The following DENND1A variants were observed in gnomAD, a reference collection of about 807,000 sequenced individuals.
DENND1A encodes DENN domain containing 1A, also known as DENN domain-containing protein 1A.
DENND1A carries 51 observed loss-of-function variants against 113.7 expected under a neutral mutation model. That is an observed-to-expected ratio of 0.45 (90% CI 0.36 to 0.57). DENND1A has a LOEUF of 0.57. Ranked by LOEUF, DENND1A falls within the 20% of genes least tolerant of loss-of-function variation. The pLI, the probability that DENND1A is intolerant of heterozygous loss-of-function variation, is 0.00. For synonymous variants in DENND1A, 565 were observed against 570.8 expected, an observed-to-expected ratio of 0.99 and a Z score of 0.14; for missense variants, 1,258 against 1,395.9, an observed-to-expected ratio of 0.90 and a Z score of 1.57.
chr9:123,445,273 CT>C (rs2047216640), intron 18 of DENND1A, among the ~76,000 whole-genome samples: 1 of 152,116 alleles, frequency 6.6e-6, no homozygotes, highest in Admixed American at 6.5e-5. Flanking sequence ...GAGGAAAGGA[CT>C]TATGACCCAG....
chr9:123,736,831 T>A (rs1168847818), intron 5 of DENND1A, among the ~76,000 whole-genome samples: 1 of 152,198 alleles, frequency 6.6e-6, no homozygotes, highest in Non-Finnish European at 1.5e-5. Context: ...TAGATACAGG[T>A]CAGACGTCTT....
intron 11 of DENND1A, among the ~76,000 whole-genome samples, chr9:123,607,348 A>T (rs1294224924): frequency 6.6e-6 from 1 of 150,526 alleles, no homozygotes; most frequent in Non-Finnish European, 1.5e-5. Flanking sequence ...TTTAGAGAGG[A>T]TGAGGAAGAA....
At chr9:123,462,488 G>A (rs1382684848) in intron 13 of DENND1A, among the ~76,000 whole-genome samples, 1 of 152,148 alleles carries the variant, frequency 6.6e-6, no homozygotes, top group Non-Finnish European at 1.5e-5. Context: ...CCCTGGACAG[G>A]AGAGTTCTCT....
rs559335800 is a variant in DENND1A at position 123,758,710 on chromosome 9, C to CA, written c.183-889dup. ...GAAAAAAGCTAAAAATATATCAATA[C>CA]AAAAATTTAAAAACCACACATAAAC... On this transcript the variant is annotated intron_variant, in intron 4 of 23. Coordinates refer to ENST00000394215, the MANE Select transcript of DENND1A (RefSeq NM_001352964.2). Among the ~76,000 whole-genome samples, 57 of 152,200 alleles carry CA rather than the reference C, an allele frequency of 3.7e-4. No homozygotes were observed. In the East Asian group the frequency reaches 9.8e-3, roughly 26 times the overall value.
At chr9:123,833,034 A>G (rs1051275004) in intron 2 of DENND1A, among the ~76,000 whole-genome samples, 3 of 135,016 alleles carry the variant, frequency 2.2e-5, no homozygotes, top group African/African-American at 8.4e-5. Context: ...CTGAAGTAGG[A>G]GGGTCCTCTG....
chr9:123,799,869 A>G (rs951380385), intron 2 of DENND1A, among the ~76,000 whole-genome samples: 8 of 152,222 alleles, frequency 5.3e-5, no homozygotes, highest in Admixed American at 4.6e-4. Context: ...TAAAGATCAC[A>G]CTGACATGTC....
intron 12 of DENND1A, among the ~76,000 whole-genome samples, chr9:123,567,533 C>A (rs1229147494): frequency 6.6e-6 from 1 of 152,066 alleles, no homozygotes; most frequent in East Asian, 1.9e-4. Context: ...ACATTAATGC[C>A]TTTTCTAATG....
chr9:123,495,903 G>A (rs180826389), intron 13 of DENND1A, among the ~76,000 whole-genome samples: 8 of 152,322 alleles, frequency 5.3e-5, no homozygotes, highest in African/African-American at 1.9e-4. Flanking sequence ...GAGAGGACCC[G>A]ACAGCAGCTT....
chr9:123,412,215 G>A (rs115175450), intron 19 of DENND1A, among the ~76,000 whole-genome samples: 4,603 of 152,218 alleles, frequency 0.03, 169 homozygotes, highest in African/African-American at 0.076. Context: ...CCCCAAGACC[G>A]GGACTCCACT....
intron 2 of DENND1A, among the ~76,000 whole-genome samples, chr9:123,853,805 G>A (rs769811748): frequency 9.2e-5 from 14 of 152,246 alleles, no homozygotes; most frequent in Admixed American, 4.6e-4. Flanking sequence ...TAGCACTCCA[G>A]GGCAATACTT....
intron 23 of DENND1A, 118 bp from the exon 24 acceptor site, chr9:123,382,743 A>G: frequency 3.6e-6 from 4 of 1,110,954 alleles, no homozygotes; most frequent in Non-Finnish European, 5.2e-6. Context: ...GTGGCTGATC[A>G]GCTCCTCGGA....
At chr9:123,822,678 T>G (rs1838673710) in intron 2 of DENND1A, among the ~76,000 whole-genome samples, 1 of 152,254 alleles carries the variant, frequency 6.6e-6, no homozygotes, top group African/African-American at 2.4e-5. Flanking sequence ...ATTGCCCACA[T>G]TAAGATACAT....
chr9:123,551,986 A>G (rs924531166), intron 13 of DENND1A, among the ~76,000 whole-genome samples: 1 of 147,948 alleles, frequency 6.8e-6, no homozygotes, highest in African/African-American at 2.5e-5. Flanking sequence ...GGAAAGAGAG[A>G]GAGAGCGAGA....
intron 12 of DENND1A, among the ~76,000 whole-genome samples, chr9:123,565,349 C>T (rs1278138002): frequency 6.6e-6 from 1 of 152,208 alleles, no homozygotes; most frequent in African/African-American, 2.4e-5. Context: ...CCATGTCCAC[C>T]CTCAGTGCTG....
At position 123,795,825 on chromosome 9, in the gene DENND1A, C is replaced by T. The variant is rs35717307; in HGVS notation, c.89-3195G>A. On this transcript the variant is annotated intron_variant, in intron 2 of 23. Coordinates refer to ENST00000394215, the MANE Select transcript of DENND1A (RefSeq NM_001352964.2). Reference sequence around the variant, plus strand: ...GTGTTATCAAACAGCTAACTTTCAACACAAAAATCTGCAGGGAAGAGTACT... The same window carrying T: ...GTGTTATCAAACAGCTAACTTTCAATACAAAAATCTGCAGGGAAGAGTACT... 5.0e-3 allele frequency among the ~76,000 whole-genome samples: 766 copies of T among 152,296 alleles called. 1 individual carries two copies. Among genetic ancestry groups the T allele is most frequent in the Non-Finnish European group, 8.2e-3 (557 of 68,018 alleles).
chr9:123,383,494 C>T (rs768860727), intron 23 of DENND1A, among the ~76,000 whole-genome samples, 161 bp downstream of exon 23: 2 of 152,172 alleles, frequency 1.3e-5, no homozygotes, highest in African/African-American at 4.8e-5. Flanking sequence ...GGCCCCGGCA[C>T]CCTGGGAGGT....
intron 1 of DENND1A, among the ~76,000 whole-genome samples, chr9:123,919,790 G>A (rs750353134): frequency 1.6e-4 from 24 of 150,342 alleles, no homozygotes; most frequent in Non-Finnish European, 2.1e-4. Flanking sequence ...GCTGAGGCAC[G>A]AGAATCACTT....
Position 123,463,908 on chromosome 9 carries a change from C to CAAAA in DENND1A, c.994-6015_994-6012dup, listed in dbSNP as rs373633673. Among the ~76,000 whole-genome samples the CAAAA allele has an allele frequency of 1.1e-3, 130 of 123,030 alleles. 2 individuals carry two copies. The highest frequency in any genetic ancestry group is 1.7e-3 in the South Asian group (6 of 3,530). The allele number at this position is 123,030 out of a possible 152,430, so 80.7% of individuals were successfully genotyped here. On this transcript the variant is annotated intron_variant, in intron 13 of 23. Transcript: ENST00000394215. ...TGGGAGACAGAGCGAGACTCCAGCT[C>CAAAA]AAAAAAAAAAAAAAATTAAAAATAA...
At chr9:123,870,313 C>T (rs577609296) in intron 2 of DENND1A, among the ~76,000 whole-genome samples, 14 of 151,572 alleles carry the variant, frequency 9.2e-5, no homozygotes, top group Admixed American at 2.6e-4. Context: ...TCTGCCGCCC[C>T]GGCTGGAATA....
Sources: gnomAD v4.1 joint callset for allele counts (sites outside exome capture counted in the v4.1 genomes callset) on GRCh38, gnomAD v4.1.1 for gene constraint, MANE v1.5 for transcripts, NCBI Gene and HGNC (gene_info 2026-07-23, HGNC 2026-07-21) for gene names.